The following MFSD6 variants were observed in gnomAD, a reference collection of about 807,000 sequenced individuals.
MFSD6 encodes major facilitator superfamily domain-containing protein 6.
Under a neutral mutation model 56.3 loss-of-function variants are expected in MFSD6, and 26 were observed. That is an observed-to-expected ratio of 0.46 (90% CI 0.34 to 0.64). The LOEUF is 0.64. MFSD6 is among the 30% of genes least tolerant of loss of function. MFSD6 has a pLI of 0.01. For missense variants in MFSD6, 750 were observed against 986.2 expected (o/e 0.76, Z 3.21); for synonymous variants, 331 against 366.9 (o/e 0.90, Z 1.12).
rs531900081 is a variant in MFSD6, at chr2:190,466,486, T to A, written c.1533-3272T>A. 3.3e-5 allele frequency among the ~76,000 whole-genome samples: 5 copies of A among 152,244 alleles called. 1 individual carries two copies. Among genetic ancestry groups the A allele is most frequent in the Admixed American group, 2.0e-4 (3 of 15,292 alleles). On this transcript the variant is annotated intron_variant, in intron 3 of 7. Transcript: ENST00000392328. Reference sequence around the variant, plus strand: ...CTCAAAATGGTTGGTGAGGAAGGAATGCGAATGCTCTTGTCTTTTGGAATT... The same window carrying A: ...CTCAAAATGGTTGGTGAGGAAGGAAAGCGAATGCTCTTGTCTTTTGGAATT...
Position 190,492,386 on chromosome 2 carries a change from G to T in MFSD6, c.1891+2520G>T, listed in dbSNP as rs982661922. Among the ~76,000 whole-genome samples, 1 of 152,186 alleles carries T rather than the reference G, an allele frequency of 6.6e-6. No homozygotes were observed. Among genetic ancestry groups the T allele is most frequent in the African/African-American group, 2.4e-5 (1 of 41,436 alleles). ...CAAGAGGAAGGAAAGAATCTTAAGA[G>T]CTGTGAGGCAAAAGCACCAGATAAC... On this transcript the variant is annotated intron_variant, in intron 6 of 7. Coordinates refer to ENST00000392328, the MANE Select transcript of MFSD6 (RefSeq NM_017694.4). This position sits in a 1 kb window ranked among gnomAD's most constrained non-coding sequence, Gnocchi z 5.2.
chr2:190,454,246 CT>C lies in MFSD6; in HGVS notation c.1533-15511del, dbSNP rs2125095286. Reference sequence around the variant, plus strand: ...GTCCTGGGATAGAGTACCTGAGAGCCTGCAGCCACGGTTCATGGAGCCCCTG... The same window carrying C: ...GTCCTGGGATAGAGTACCTGAGAGCCGCAGCCACGGTTCATGGAGCCCCTG... On this transcript the variant is annotated intron_variant, in intron 3 of 7. Coordinates refer to ENST00000392328, the MANE Select transcript of MFSD6 (RefSeq NM_017694.4). This position sits in a 1 kb window ranked among gnomAD's most constrained non-coding sequence, Gnocchi z 4.6. 6.6e-6 allele frequency: 1 copy of C among 152,280 alleles called. No individual in the cohort carries two copies. Among genetic ancestry groups the C allele is most frequent in the East Asian group, 1.9e-4 (1 of 5,184 alleles). 9.4% of individuals were successfully genotyped at this position (152,280 alleles called of 1,614,324 possible). A position where few individuals can be genotyped will look rare whatever the true frequency, so the allele number is the denominator to read the frequency against.
rs192515995 is a variant in MFSD6, at chr2:190,434,297, A to G, written c.-53-1680A>G. ...TGGAACAACATAATTCTTGATGCACACAAGACCTTTTGACACTTTAATCAT... is the reference window on the plus strand; with the variant it reads ...TGGAACAACATAATTCTTGATGCACGCAAGACCTTTTGACACTTTAATCAT... On this transcript the variant is annotated intron_variant, in intron 2 of 7. Transcript: ENST00000392328. This position sits in a 1 kb window ranked among gnomAD's most constrained non-coding sequence, Gnocchi z 4.3. Among the ~76,000 whole-genome samples the G allele has an allele frequency of 4.6e-5, 7 of 152,330 alleles. No homozygotes were observed. The highest frequency in any genetic ancestry group is 7.3e-5 in the Non-Finnish European group (5 of 68,038).
Position 190,433,568 on chromosome 2 carries a change from T to C in MFSD6, c.-53-2409T>C, listed in dbSNP as rs1420101989. On this transcript the variant is annotated intron_variant, in intron 2 of 7. Coordinates refer to ENST00000392328, the MANE Select transcript of MFSD6 (RefSeq NM_017694.4). This position sits in a 1 kb window ranked among gnomAD's most constrained non-coding sequence, Gnocchi z 4.5. ...CATTGTGAATATAGTAAATTACCGC[T>C]GAATTGTTCACTTTCAAAATGGTTA... Among the ~76,000 whole-genome samples the C allele has an allele frequency of 6.6e-6, 1 of 152,218 alleles. No individual in the cohort carries two copies. Among genetic ancestry groups the C allele is most frequent in the Non-Finnish European group, 1.5e-5 (1 of 68,030 alleles).
chr2:190,444,914 T>G (rs1686516829), intron 3 of MFSD6: 2 of 816,984 alleles, frequency 2.4e-6, no homozygotes, highest in Non-Finnish European at 3.0e-6. Flanking sequence ...TTTCCTTGTT[T>G]TTGCACTATG....
intron 3 of MFSD6, among the ~76,000 whole-genome samples, chr2:190,450,009 T>TATA (rs565769159): frequency 9.4e-4 from 142 of 151,802 alleles, no homozygotes; most frequent in African/African-American, 3.3e-3. Flanking sequence ...AAACTTAAAG[T>TATA]ATAATAATAA....
rs922696933 is a variant in MFSD6, at chr2:190,490,806, C to T, written c.1891+940C>T. ...TCTTCTTTGGGTGTCCTATCCTTTGCGGAGCATTAGCCTCAGGCCCCTGAA... is the reference window on the plus strand; with the variant it reads ...TCTTCTTTGGGTGTCCTATCCTTTGTGGAGCATTAGCCTCAGGCCCCTGAA... On this transcript the variant is annotated intron_variant, in intron 6 of 7. Coordinates refer to ENST00000392328, the MANE Select transcript of MFSD6 (RefSeq NM_017694.4). The surrounding 1 kb of genome is among the most constrained non-coding windows in gnomAD (Gnocchi z 4.5). Among the ~76,000 whole-genome samples the T allele has an allele frequency of 4.6e-5, 7 of 152,276 alleles. No individual in the cohort carries two copies. In the South Asian group the frequency reaches 6.2e-4, roughly 14 times the overall value.
Position 190,490,235 on chromosome 2 carries a change from A to G in MFSD6, c.1891+369A>G, listed in dbSNP as rs1359742177. Among the ~76,000 whole-genome samples the G allele has an allele frequency of 2.6e-5, 4 of 151,590 alleles. No individual in the cohort carries two copies. The highest frequency in any genetic ancestry group is 9.7e-5 in the African/African-American group (4 of 41,264). ...TACTAGGGATAGGGAGTGAGTGGTA[A>G]TCTTCTCTATGACTTACCTTCATTT... is the stretch of plus-strand genomic sequence containing the variant. On this transcript the variant is annotated intron_variant, in intron 6 of 7. Transcript: ENST00000392328. This position sits in a 1 kb window ranked among gnomAD's most constrained non-coding sequence, Gnocchi z 4.5.
chr2:190,432,582 A>C (rs996863297), intron 2 of MFSD6, among the ~76,000 whole-genome samples: 1 of 151,926 alleles, frequency 6.6e-6, no homozygotes, highest in Admixed American at 6.6e-5. Context: ...ATGCCTGGCT[A>C]ATTTTTGTAT....
In MFSD6 at chr2:190,488,624, C is replaced by G; in HGVS notation, c.1631-33C>G. 7.1e-7 allele frequency: 1 copy of G among 1,417,128 alleles called. No homozygotes were observed. The highest frequency in any genetic ancestry group is 9.3e-7 in the Non-Finnish European group (1 of 1,076,740). The allele number at this position is 1,417,128 out of a possible 1,614,324, so 87.8% of individuals were successfully genotyped here. A position where few individuals can be genotyped will look rare whatever the true frequency, so the allele number is the denominator to read the frequency against. On this transcript the variant is annotated intron_variant, in intron 4 of 7. Transcript: ENST00000392328. This position sits in a 1 kb window ranked among gnomAD's most constrained non-coding sequence, Gnocchi z 6.4. ...ACAGAGTAGCCTAAGAAATGCTAAC[C>G]AACTAATCCCTCCTGCTCTTCTTCC...
rs185845235 is a variant in MFSD6 at position 190,450,989 on chromosome 2, T to C, written c.1532+13428T>C. ...GGCCAGTGGTCCTTGGTTATAACCA[T>C]TGGCCAAGCATTTCATTCCATTGAG... On this transcript the variant is annotated intron_variant, in intron 3 of 7. Coordinates refer to ENST00000392328, the MANE Select transcript of MFSD6 (RefSeq NM_017694.4). 7.3e-3 allele frequency among the ~76,000 whole-genome samples: 1,105 copies of C among 152,320 alleles called. 8 individuals carry two copies. Among genetic ancestry groups the C allele is most frequent in the Middle Eastern group, 0.027 (8 of 294 alleles).
chr2:190,484,366 A>C (rs1299124494), intron 4 of MFSD6, among the ~76,000 whole-genome samples: 1 of 152,244 alleles, frequency 6.6e-6, no homozygotes, highest in African/African-American at 2.4e-5. Flanking sequence ...ATAAAGAATA[A>C]TCATCTACTG....
rs905539739 is a variant in MFSD6 at position 190,456,513 on chromosome 2, C to T, written c.1533-13245C>T. Among the ~76,000 whole-genome samples, 6 of 152,182 alleles carry T rather than the reference C, an allele frequency of 3.9e-5. No individual in the cohort carries two copies. Among genetic ancestry groups the T allele is most frequent in the Non-Finnish European group, 5.9e-5 (4 of 68,034 alleles). On this transcript the variant is annotated intron_variant, in intron 3 of 7. Coordinates refer to ENST00000392328, the MANE Select transcript of MFSD6 (RefSeq NM_017694.4). The surrounding 1 kb of genome is among the most constrained non-coding windows in gnomAD (Gnocchi z 5.4). ...CCCGCTGGTGATATGAGCCCCACTC[C>T]GGGAACTCCCTGGCTGCTCTAGGAA...
chr2:190,474,292 A>G (rs577036352), intron 4 of MFSD6, among the ~76,000 whole-genome samples: 1 of 152,266 alleles, frequency 6.6e-6, no homozygotes, highest in East Asian at 1.9e-4. Context: ...TTTTTTGAAA[A>G]GATCAACAAA....
chr2:190,482,769 A>G lies in MFSD6; in HGVS notation c.1631-5888A>G, dbSNP rs1484491598. 6.0e-5 allele frequency among the ~76,000 whole-genome samples: 9 copies of G among 150,344 alleles called. No homozygotes were observed. In the East Asian group the frequency reaches 1.8e-3, roughly 30 times the overall value. On this transcript the variant is annotated intron_variant, in intron 4 of 7. Coordinates refer to ENST00000392328, the MANE Select transcript of MFSD6 (RefSeq NM_017694.4). ...AATGCATGTTGTACAATCAGATACC[A>G]GTGTTGAGTGTTATAAGGTATTTGG...
Position 190,489,941 on chromosome 2 carries a change from T to G in MFSD6, c.1891+75T>G. 1 of 1,279,578 alleles carries G rather than the reference T, an allele frequency of 7.8e-7. No individual in the cohort carries two copies. Among genetic ancestry groups the G allele is most frequent in the Non-Finnish European group, 1.1e-6 (1 of 912,820 alleles). The allele number at this position is 1,279,578 out of a possible 1,614,324, so 79.3% of individuals were successfully genotyped here. On this transcript the variant is annotated intron_variant, in intron 6 of 7. Coordinates refer to ENST00000392328, the MANE Select transcript of MFSD6 (RefSeq NM_017694.4). This position sits in a 1 kb window ranked among gnomAD's most constrained non-coding sequence, Gnocchi z 6.6. ...AAGTCAACAAATGCCCCGAGAAGCC[T>G]AGAAGTGGTACAGAGTATACAACAG...
chr2:190,492,587 T>G lies in MFSD6; in HGVS notation c.1891+2721T>G, dbSNP rs912194254. On this transcript the variant is annotated intron_variant, in intron 6 of 7. Coordinates refer to ENST00000392328, the MANE Select transcript of MFSD6 (RefSeq NM_017694.4). The surrounding 1 kb of genome is among the most constrained non-coding windows in gnomAD (Gnocchi z 5.2). ...GCAAAATCAATATGGAAATTTAAAA[T>G]TGAACTGAACAATAATAGTGACACA... 6.6e-6 allele frequency among the ~76,000 whole-genome samples: 1 copy of G among 152,094 alleles called. No homozygotes were observed. Among genetic ancestry groups the G allele is most frequent in the Non-Finnish European group, 1.5e-5 (1 of 68,004 alleles).
In MFSD6 at chr2:190,469,719, C is replaced by G; in HGVS notation, c.1533-39C>G. On this transcript the variant is annotated intron_variant, in intron 3 of 7. Coordinates refer to ENST00000392328, the MANE Select transcript of MFSD6 (RefSeq NM_017694.4). The surrounding 1 kb of genome is among the most constrained non-coding windows in gnomAD (Gnocchi z 5.3). ...TAGGGACTCAGTTTATTTTCCTTTGCTTTTTTTTATTTTATTTTTATTTTT... is the reference window on the plus strand; with the variant it reads ...TAGGGACTCAGTTTATTTTCCTTTGGTTTTTTTTATTTTATTTTTATTTTT... 1 of 1,179,008 alleles carries G rather than the reference C, an allele frequency of 8.5e-7. No homozygotes were observed. The highest frequency in any genetic ancestry group is 1.1e-6 in the Non-Finnish European group (1 of 900,842). The allele number at this position is 1,179,008 out of a possible 1,614,324, so 73.0% of individuals were successfully genotyped here.
rs11307721 is a variant in MFSD6, at chr2:190,485,803, TA to T, written c.1631-2840del. On this transcript the variant is annotated intron_variant, in intron 4 of 7. Transcript: ENST00000392328. This position sits in a 1 kb window ranked among gnomAD's most constrained non-coding sequence, Gnocchi z 5.1. ...TAATCATCTAGTCCATCTTACTAGT[TA>T]AAAAAAAAAAAAACCTAGTTAAAAT... 0.31 allele frequency among the ~76,000 whole-genome samples: 44,213 copies of T among 144,318 alleles called. 7,023 individuals carry two copies. Among genetic ancestry groups the T allele is most frequent in the East Asian group, 0.47 (2,366 of 5,030 alleles). 94.7% of individuals were successfully genotyped at this position (144,318 alleles called of 152,430 possible). A position where few individuals can be genotyped will look rare whatever the true frequency, so the allele number is the denominator to read the frequency against.
Sources: gnomAD v4.1 joint callset for allele counts (sites outside exome capture counted in the v4.1 genomes callset) on GRCh38, gnomAD v4.1.1 for gene constraint, Gnocchi (gnomAD v3.1) non-coding constraint, MANE v1.5 for transcripts, NCBI Gene and HGNC (gene_info 2026-07-23, HGNC 2026-07-21) for gene names.